IKZF3: variants seen among roughly 807,000 people sequenced by gnomAD.
The protein encoded by IKZF3 is zinc finger protein Aiolos.
IKZF3 carries 10 observed loss-of-function variants against 49.0 expected under a neutral mutation model. That is an observed-to-expected ratio of 0.20 (90% CI 0.13 to 0.35). The LOEUF (loss-of-function observed/expected upper bound fraction) is 0.35, where lower values mean the gene tolerates loss of function less well. Among genes scored for constraint, IKZF3 ranks in the 10% least tolerant of loss-of-function variants. IKZF3 has a pLI of 1.00. For missense variants in IKZF3, 498 were observed against 664.8 expected, an observed-to-expected ratio of 0.75 and a Z score of 2.76; for synonymous variants, 209 against 228.2, an observed-to-expected ratio of 0.92 and a Z score of 0.76.
At chr17:39,804,532 G>T (rs2144034153) in intron 3 of IKZF3, among the ~76,000 whole-genome samples, 1 of 152,248 alleles carries the variant, frequency 6.6e-6, no homozygotes, top group Middle Eastern at 3.4e-3. Flanking sequence ...ACTAGGCCAG[G>T]CAGAGAAGAA....
At chr17:39,840,459 T>C (rs1220280008) in intron 1 of IKZF3, among the ~76,000 whole-genome samples, 1 of 152,220 alleles carries the variant, frequency 6.6e-6, no homozygotes, top group African/African-American at 2.4e-5. Flanking sequence ...ATCATTCTTA[T>C]CCGTGGAAAG....
intron 1 of IKZF3, among the ~76,000 whole-genome samples, chr17:39,841,231 G>A (rs1041584507): frequency 6.6e-6 from 1 of 151,916 alleles, no homozygotes; most frequent in African/African-American, 2.4e-5. Flanking sequence ...TGAAAAGTCA[G>A]AGCTCAAACA....
At position 39,855,795 on chromosome 17, in the gene IKZF3, GGAT is replaced by G. The variant is rs1598225835; in HGVS notation, c.7+8322_7+8324del. Among the ~76,000 whole-genome samples, 4 of 152,134 alleles carry G rather than the reference GGAT, an allele frequency of 2.6e-5. No homozygotes were observed. In the East Asian group the frequency reaches 7.7e-4, roughly 29 times the overall value. ...AAACTACTCCCAGAAACTTGAGAAA[GGAT>G]GATAAGTAATCTTTGCTTCAAAGTT... is the stretch of plus-strand genomic sequence containing the variant. On this transcript the variant is annotated intron_variant, in intron 1 of 7. Transcript: ENST00000346872.
rs202024816 is a variant in IKZF3, at chr17:39,858,635, C to G, written c.7+5485G>C. On this transcript the variant is annotated intron_variant, in intron 1 of 7. Coordinates refer to ENST00000346872, the MANE Select transcript of IKZF3 (RefSeq NM_012481.5). ...AACCAGTTCTCCTGTCTCAGCCTCCCGAGTAGCTGGGACTACAGGCGCCTG... is the reference window on the plus strand; with the variant it reads ...AACCAGTTCTCCTGTCTCAGCCTCCGGAGTAGCTGGGACTACAGGCGCCTG... 5.9e-5 allele frequency among the ~76,000 whole-genome samples: 9 copies of G among 151,888 alleles called. No homozygotes were observed. The East Asian group carries it at 1.7e-3, about 29-fold the overall frequency.
chr17:39,847,828 T>C (rs559154910), intron 1 of IKZF3, among the ~76,000 whole-genome samples: 2 of 152,296 alleles, frequency 1.3e-5, no homozygotes, highest in Admixed American at 6.5e-5. Flanking sequence ...GGGCACAAAG[T>C]CAGTGACACA....
rs2060261717 is a variant in IKZF3, at chr17:39,765,247, G to A, written c.*543C>T. On this transcript the variant is annotated 3_prime_UTR_variant, in exon 8 of 8. Transcript: ENST00000346872. ...AATGGATCTGATGCTTGGAGAATGG[G>A]GTCTTCAGTTACTCGTAACAGATAC... 6.6e-6 allele frequency: 1 copy of A among 152,294 alleles called. No homozygotes were observed. The highest frequency in any genetic ancestry group is 2.1e-4 in the South Asian group (1 of 4,822). 9.4% of individuals were successfully genotyped at this position (152,294 alleles called of 1,614,324 possible). A position where few individuals can be genotyped will look rare whatever the true frequency, so the allele number is the denominator to read the frequency against.
At chr17:39,781,521 A>G (rs909185446) in intron 6 of IKZF3, among the ~76,000 whole-genome samples, 1 of 152,184 alleles carries the variant, frequency 6.6e-6, no homozygotes, top group African/African-American at 2.4e-5. Flanking sequence ...TTATTAGTCT[A>G]TTGTGGTCCC....
rs1285072322 is a variant in IKZF3 at position 39,834,011 on chromosome 17, C to G, written c.8-1860G>C. 3.3e-5 allele frequency among the ~76,000 whole-genome samples: 5 copies of G among 152,154 alleles called. No homozygotes were observed. The East Asian group carries it at 9.6e-4, about 29-fold the overall frequency. The stretch of plus-strand genomic sequence containing the variant: ...TTAGTCATCTTGTCTCCTTAGGCTC[C>G]TCTTGGTTGGGACAGTTTCTCAGAC... On this transcript the variant is annotated intron_variant, in intron 1 of 7. Coordinates refer to ENST00000346872, the MANE Select transcript of IKZF3 (RefSeq NM_012481.5).
At chr17:39,842,022 G>T (rs915241195) in intron 1 of IKZF3, among the ~76,000 whole-genome samples, 25 of 116,502 alleles carry the variant, frequency 2.1e-4, no homozygotes, top group African/African-American at 8.1e-4. Flanking sequence ...CTCCAGCCTG[G>T]ATGACAACAA....
chr17:39,807,587 A>G (rs952243429), intron 3 of IKZF3, among the ~76,000 whole-genome samples: 1 of 102,812 alleles, frequency 9.7e-6, no homozygotes, highest in Non-Finnish European at 1.8e-5. Flanking sequence ...CGGGGCCTCT[A>G]TATGTTTCCA....
chr17:39,836,172 G>T, intron 1 of IKZF3: 1 of 665,022 alleles, frequency 1.5e-6, no homozygotes. Context: ...CCAGCTTAAG[G>T]GGGCTCAGCA....
chr17:39,769,240 C>T (rs965736020), intron 7 of IKZF3, among the ~76,000 whole-genome samples: 1 of 152,120 alleles, frequency 6.6e-6, no homozygotes, highest in Non-Finnish European at 1.5e-5. Context: ...GGCTACCTGC[C>T]CTTGAGAAAG....
chr17:39,856,016 A>G (rs2063036783), intron 1 of IKZF3, among the ~76,000 whole-genome samples: 1 of 148,352 alleles, frequency 6.7e-6, no homozygotes, highest in Non-Finnish European at 1.5e-5. Flanking sequence ...TATAACATGT[A>G]TATTGTATAT....
chr17:39,846,142 G>A (rs964447242), intron 1 of IKZF3, among the ~76,000 whole-genome samples: 2 of 151,894 alleles, frequency 1.3e-5, no homozygotes, highest in African/African-American at 4.8e-5. Flanking sequence ...ATGTTTTAAG[G>A]TTTAATTAAA....
intron 1 of IKZF3, among the ~76,000 whole-genome samples, chr17:39,847,746 T>A (rs1263393516): frequency 2.0e-5 from 3 of 152,166 alleles, no homozygotes; most frequent in Non-Finnish European, 1.5e-5. Flanking sequence ...GCATTTATTA[T>A]TTTCCCCATT....
chr17:39,776,070 A>T (rs2060579138), intron 7 of IKZF3, among the ~76,000 whole-genome samples: 1 of 152,052 alleles, frequency 6.6e-6, no homozygotes, highest in Non-Finnish European at 1.5e-5. Flanking sequence ...GGGCAACATG[A>T]GGAGACTCTA....
At position 39,766,362 on chromosome 17, in the gene IKZF3, G is replaced by C; in HGVS notation, c.958C>G (p.Leu320Val). 3.1e-6 allele frequency: 5 copies of C among 1,614,234 alleles called. No individual in the cohort carries two copies. Among genetic ancestry groups the C allele is most frequent in the Non-Finnish European group, 4.2e-6 (5 of 1,180,046 alleles). ...GGCGGTGTCTGGACCAAGGGGCGCA[G>C]GGCTTCGGCGCCAAGATAGCTGATG... ...NAISYLGAEA[L>V]RPLVQTPPAP... The change falls in exon 8 of 8, where the codon CTG becomes GTG. Residue 320 changes from leucine to valine, a missense_variant. Transcript: ENST00000346872.
At chr17:39,773,070 A>T (rs1270250064) in intron 7 of IKZF3, among the ~76,000 whole-genome samples, 2 of 152,130 alleles carry the variant, frequency 1.3e-5, no homozygotes, top group African/African-American at 4.8e-5. Context: ...CCTGCTTAGG[A>T]CTCCCAAAGT....
rs2060156628 is a variant in IKZF3 at position 39,760,470 on chromosome 17, A to C, written c.*5320T>G. On this transcript the variant is annotated 3_prime_UTR_variant, in exon 8 of 8. Transcript: ENST00000346872. ...CTCCTAAGTAGCTGGGATTACAGGCATGTGCCACCACGCCTGGCTAATTTT... is the reference window on the plus strand; with the variant it reads ...CTCCTAAGTAGCTGGGATTACAGGCCTGTGCCACCACGCCTGGCTAATTTT... 1 of 152,196 alleles carries C rather than the reference A, an allele frequency of 6.6e-6. No individual in the cohort carries two copies. Among genetic ancestry groups the C allele is most frequent in the African/African-American group, 2.4e-5 (1 of 41,392 alleles). The allele number at this position is 152,196 out of a possible 1,614,324, so 9.4% of individuals were successfully genotyped here.
Sources: allele counts gnomAD v4.1 joint callset (sites outside exome capture counted in the v4.1 genomes callset), GRCh38; gene constraint gnomAD v4.1.1; transcripts MANE v1.5; gene names NCBI Gene and HGNC (gene_info 2026-07-23, HGNC 2026-07-21).